USH2A: variants seen among roughly 807,000 people sequenced by gnomAD.
USH2A encodes the protein Usher syndrome 2A (autosomal recessive, mild).
Under a neutral mutation model 538.9 loss-of-function variants are expected in USH2A, and 443 were observed. That is an observed-to-expected ratio of 0.82 (90% CI 0.76 to 0.89). USH2A has a LOEUF of 0.89. Ranked by LOEUF, USH2A falls within the 40% of genes least tolerant of loss-of-function variation. The pLI is 0.00. For synonymous variants in USH2A, 2,413 were observed against 2,273.5 expected (o/e 1.06, Z -1.75); for missense variants, 6,633 against 6,324.8 (o/e 1.05, Z -1.65).
rs139168424 is a variant in USH2A, at chr1:215,799,908, C to T, written c.9740-783G>A. 5.3e-3 allele frequency among the ~76,000 whole-genome samples: 807 copies of T among 152,146 alleles called. 6 individuals carry two copies. The highest frequency in any genetic ancestry group is 0.018 in the African/African-American group (745 of 41,510). ...GGCTGAGGCACGAGAATTGCTTGAA[C>T]CCGGGAGGCGGGAGGCAGAGTGCGC... On this transcript the variant is annotated intron_variant, in intron 49 of 71. Transcript: ENST00000307340.
At chr1:215,653,851 G>A (rs138889095) in intron 64 of USH2A, among the ~76,000 whole-genome samples, 8 of 152,174 alleles carry the variant, frequency 5.3e-5, no homozygotes, top group Non-Finnish European at 7.4e-5. Context: ...CCCAAGATTC[G>A]ATTCTGTCTT....
chr1:216,032,609 T>G (rs1003818172), intron 32 of USH2A, among the ~76,000 whole-genome samples: 5 of 152,122 alleles, frequency 3.3e-5, no homozygotes, highest in African/African-American at 1.2e-4. Context: ...GAAAAGGAAA[T>G]GAATCCTGGT....
chr1:216,207,215 T>C, intron 16 of USH2A, 58 bp downstream of exon 16: 1 of 1,602,394 alleles, frequency 6.2e-7, no homozygotes, highest in Non-Finnish European at 8.5e-7. Context: ...GTCAAAGAAC[T>C]TAACTAATGT....
chr1:215,629,758 T>TTTTTC (rs1164735540), intron 70 of USH2A, among the ~76,000 whole-genome samples: 30 of 150,382 alleles, frequency 2.0e-4, no homozygotes, highest in Non-Finnish European at 3.1e-4. Flanking sequence ...ATGTTTCTGC[T>TTTTTC]TTTTCTTTTC....
chr1:215,719,320 G>C (rs1659584366), intron 61 of USH2A, among the ~76,000 whole-genome samples: 1 of 149,596 alleles, frequency 6.7e-6, no homozygotes, highest in South Asian at 2.1e-4. Context: ...ATGTTGTTGG[G>C]GCAGGGGGGC....
rs183143247 is a variant in USH2A, at chr1:215,834,853, C to T, written c.9371+3138G>A. Among the ~76,000 whole-genome samples, 898 of 151,004 alleles carry T rather than the reference C, an allele frequency of 5.9e-3. 1 individual carries two copies. Among genetic ancestry groups the T allele is most frequent in the Non-Finnish European group, 8.5e-3 (576 of 67,734 alleles). On this transcript the variant is annotated intron_variant, in intron 47 of 71. Coordinates refer to ENST00000307340, the MANE Select transcript of USH2A (RefSeq NM_206933.4). ...ATTCAAATATTAGACTTCCTGGATA[C>T]TCTCTATTGTTTTTTCTTTGTCTCT...
chr1:216,135,271 T>A (rs2033463573), intron 21 of USH2A, among the ~76,000 whole-genome samples: 1 of 151,918 alleles, frequency 6.6e-6, no homozygotes, highest in Non-Finnish European at 1.5e-5. Context: ...GGTGCTTATC[T>A]TCTCAGAACA....
chr1:216,389,461 A>G (rs2039062786), intron 3 of USH2A, among the ~76,000 whole-genome samples: 1 of 152,186 alleles, frequency 6.6e-6, no homozygotes, highest in Admixed American at 6.5e-5. Context: ...CTTATATAGC[A>G]TTTCTTCCAG....
intron 21 of USH2A, among the ~76,000 whole-genome samples, chr1:216,145,654 A>G (rs548978714): frequency 6.6e-6 from 1 of 152,334 alleles, no homozygotes; most frequent in African/African-American, 2.4e-5. Flanking sequence ...ACCTGCACGT[A>G]TACGCCCAGA....
intron 21 of USH2A, among the ~76,000 whole-genome samples, chr1:216,127,699 A>G (rs2033283123): frequency 6.6e-6 from 1 of 152,218 alleles, no homozygotes. Flanking sequence ...CACACAAAGA[A>G]TTTGTGAGCC....
intron 21 of USH2A, among the ~76,000 whole-genome samples, chr1:216,156,605 T>C (rs1006664271): frequency 1.3e-5 from 2 of 152,178 alleles, no homozygotes; most frequent in African/African-American, 4.8e-5. Context: ...TTTGCTTCCT[T>C]TCAGTTATTA....
chr1:215,803,603 A>G (rs2102783498), intron 49 of USH2A, among the ~76,000 whole-genome samples: 1 of 152,312 alleles, frequency 6.6e-6, no homozygotes, highest in Non-Finnish European at 1.5e-5. Context: ...TTCAAGGAGA[A>G]CTACAAAGCA....
In USH2A at chr1:216,323,688, G is replaced by T; in HGVS notation, c.1336C>A (p.Pro446Thr). The T allele has an allele frequency of 6.2e-7, 1 of 1,613,312 alleles. No individual in the cohort carries two copies. The highest frequency in any genetic ancestry group is 1.1e-5 in the South Asian group (1 of 91,060). ...VNCLQLSNFT[P>T]YSRGNVTFSI... ...AATGTGACATTGCCACGGGAATATG[G>T]AGTAAAACTGTTAATGAAAGAAATT... Residue 446 changes from proline (P) to threonine (T), a missense_variant, in exon 8 of 72, where the codon CCA becomes ACA. Transcript: ENST00000307340.
chr1:216,258,886 C>A (rs901080457), intron 11 of USH2A, among the ~76,000 whole-genome samples: 4 of 152,054 alleles, frequency 2.6e-5, no homozygotes, highest in African/African-American at 9.7e-5. Flanking sequence ...AACTAGTTGA[C>A]AACATTCAGA....
intron 50 of USH2A, among the ~76,000 whole-genome samples, chr1:215,798,659 AT>A (rs1196576086): frequency 6.6e-6 from 1 of 152,164 alleles, no homozygotes; most frequent in Non-Finnish European, 1.5e-5. Context: ...CATGTGTGGA[AT>A]TTTTTTTGGA....
intron 69 of USH2A, among the ~76,000 whole-genome samples, chr1:215,638,769 G>C (rs1656580286): frequency 1.3e-5 from 2 of 151,948 alleles, no homozygotes. Context: ...ACGAGGTCAG[G>C]AGATCCAGAC....
chr1:215,847,237 C>G (rs1266857887), intron 44 of USH2A, among the ~76,000 whole-genome samples: 1 of 152,166 alleles, frequency 6.6e-6, no homozygotes, highest in African/African-American at 2.4e-5. Flanking sequence ...TATTATGCTG[C>G]TCTACTTACA....
chr1:215,921,067 A>G (rs1666086568), intron 38 of USH2A, among the ~76,000 whole-genome samples: 1 of 152,094 alleles, frequency 6.6e-6, no homozygotes. Flanking sequence ...GTTTTTACAA[A>G]TATAAGTTTT....
Position 215,674,950 on chromosome 1 carries a change from C to T in USH2A, c.12961G>A (p.Glu4321Lys). The T allele has an allele frequency of 1.2e-6, 2 of 1,614,142 alleles. No homozygotes were observed. The highest frequency in any genetic ancestry group is 8.5e-7 in the Non-Finnish European group (1 of 1,180,028). ...FDPVTFNYTD[E>K]ELLPFSTYSY... ...TAGGTGGAAAAAGGAAGAAGCTCTT[C>T]ATCAGTGTAATTGAAAGTCACAGGA... The change falls in exon 63 of 72, where the codon GAA (glutamate) becomes AAA (lysine). Residue 4321 changes from glutamate (E) to lysine (K), a missense_variant. Transcript: ENST00000307340.
Sources: allele counts gnomAD v4.1 joint callset (sites outside exome capture counted in the v4.1 genomes callset), GRCh38; gene constraint gnomAD v4.1.1; transcripts MANE v1.5; gene names NCBI Gene and HGNC (gene_info 2026-07-23, HGNC 2026-07-21).